Variants in NPAS3 observed in about 807,000 individuals in gnomAD.
The protein encoded by NPAS3 is neuronal PAS domain protein 3.
Under a neutral mutation model 73.1 loss-of-function variants are expected in NPAS3, and 14 were observed. The observed-to-expected ratio is 0.19, with a 90% CI of 0.13 to 0.30. The LOEUF (loss-of-function observed/expected upper bound fraction) is 0.30. Ranked by LOEUF, NPAS3 falls within the 10% of genes least tolerant of loss-of-function variation. The pLI is 1.00. For synonymous variants in NPAS3, 620 were observed against 541.5 expected (o/e 1.14, Z -2.01); for missense variants, 1,096 against 1,250.0 (o/e 0.88, Z 1.86).
At chr14:33,403,198 T>C (rs1425047569) in intron 4 of NPAS3, among the ~76,000 whole-genome samples, 1 of 152,098 alleles carries the variant, frequency 6.6e-6, no homozygotes, top group African/African-American at 2.4e-5. Flanking sequence ...CCACAAAGTT[T>C]TGAAATATTA....
At chr14:33,715,774 C>T (rs1010377031) in intron 6 of NPAS3, among the ~76,000 whole-genome samples, 1 of 152,186 alleles carries the variant, frequency 6.6e-6, no homozygotes, top group African/African-American at 2.4e-5. Flanking sequence ...ATAATCCCCA[C>T]GTGTCATTCG....
At chr14:33,257,340 G>A in intron 3 of NPAS3, among the ~76,000 whole-genome samples, 1 of 152,022 alleles carries the variant, frequency 6.6e-6, no homozygotes, top group East Asian at 1.9e-4. Flanking sequence ...ATAACTCCAG[G>A]GTTCTCCAGG....
At chr14:33,612,576 C>T (rs962642139) in intron 5 of NPAS3, 3 of 448,176 alleles carry the variant, frequency 6.7e-6, no homozygotes, top group Admixed American at 4.8e-5. Context: ...ACTCTGTATA[C>T]TTGCTTTTAA....
intron 3 of NPAS3, among the ~76,000 whole-genome samples, chr14:33,307,593 A>ATGTGTGTGTGTGTGTGTGTG (rs10528551): frequency 0.028 from 3,944 of 138,978 alleles, 141 homozygotes; most frequent in African/African-American, 0.079. Flanking sequence ...TTTTTTTTCA[A>ATGTGTGTGTGTGTGTGTGTG]TGTGTGTGTG....
At position 33,041,844 on chromosome 14, in the gene NPAS3, G is replaced by C. The variant is rs890644849; in HGVS notation, c.51-14061G>C. On this transcript the variant is annotated intron_variant, in intron 1 of 11. Transcript: ENST00000356141. ...GTAAGGAAGAGGAGTTGGTCAACAG[G>C]GAGCAGGTGGTTAGTTAGGCAGTCA... 1.3e-4 allele frequency among the ~76,000 whole-genome samples: 20 copies of C among 152,214 alleles called. No individual in the cohort carries two copies. In the South Asian group the frequency reaches 1.9e-3, roughly 14 times the overall value.
intron 4 of NPAS3, among the ~76,000 whole-genome samples, chr14:33,545,252 TG>T (rs1199646335): frequency 6.6e-6 from 1 of 152,160 alleles, no homozygotes; most frequent in Non-Finnish European, 1.5e-5. Flanking sequence ...TTAGTTTAAC[TG>T]CCCTTAGTAG....
intron 3 of NPAS3, among the ~76,000 whole-genome samples, chr14:33,352,800 ATAAACTT>A (rs956660725): frequency 2.0e-5 from 3 of 152,248 alleles, no homozygotes; most frequent in African/African-American, 7.2e-5. Flanking sequence ...TGAGAGGGGA[ATAAACTT>A]GCAACAATAT....
chr14:33,731,037 C>G (rs962470046), intron 6 of NPAS3, among the ~76,000 whole-genome samples: 1 of 152,114 alleles, frequency 6.6e-6, no homozygotes, highest in African/African-American at 2.4e-5. Context: ...TAACATTTCT[C>G]AAAACTTTTT....
chr14:33,213,882 T>C (rs577390050), intron 2 of NPAS3: 9 of 152,338 alleles, frequency 5.9e-5, no homozygotes, highest in African/African-American at 2.2e-4. Context: ...AGGTGTGATT[T>C]CTGCAGTGAA....
At chr14:33,192,936 T>C (rs1401774996) in intron 2 of NPAS3, among the ~76,000 whole-genome samples, 1 of 152,208 alleles carries the variant, frequency 6.6e-6, no homozygotes, top group African/African-American at 2.4e-5. Flanking sequence ...GTTAACTATA[T>C]GAGAGATGGG....
At chr14:33,415,667 A>G (rs892916835) in intron 4 of NPAS3, among the ~76,000 whole-genome samples, 2 of 152,094 alleles carry the variant, frequency 1.3e-5, no homozygotes, top group South Asian at 2.1e-4. Flanking sequence ...TGGTTTCTCC[A>G]TAGCACAGCT....
At chr14:33,384,672 G>A (rs1208706476) in intron 4 of NPAS3, among the ~76,000 whole-genome samples, 1 of 152,204 alleles carries the variant, frequency 6.6e-6, no homozygotes, top group East Asian at 1.9e-4. Flanking sequence ...GGAGGTTGCA[G>A]TGGGCCGAGA....
intron 2 of NPAS3, among the ~76,000 whole-genome samples, chr14:33,206,573 T>C (rs1306287883): frequency 1.3e-5 from 2 of 152,154 alleles, no homozygotes; most frequent in Admixed American, 6.6e-5. Flanking sequence ...CTACCTTCCA[T>C]AGTCACTGTT....
intron 5 of NPAS3, among the ~76,000 whole-genome samples, chr14:33,560,920 A>G (rs2055615377): frequency 6.6e-6 from 1 of 152,234 alleles, no homozygotes. Flanking sequence ...GTGAATGCCA[A>G]AATATCCTGA....
At chr14:33,253,336 T>G (rs2048659585) in intron 3 of NPAS3, among the ~76,000 whole-genome samples, 1 of 152,072 alleles carries the variant, frequency 6.6e-6, no homozygotes, top group Non-Finnish European at 1.5e-5. Context: ...ATTAAACAAC[T>G]TTTCTACTTA....
intron 7 of NPAS3, among the ~76,000 whole-genome samples, chr14:33,759,925 A>T (rs988092010): frequency 6.6e-6 from 1 of 152,374 alleles, no homozygotes; most frequent in Admixed American, 6.5e-5. Flanking sequence ...TTAAGCATAT[A>T]TAAGATTTCT....
At chr14:33,187,062 C>G (rs2046001923) in intron 2 of NPAS3, among the ~76,000 whole-genome samples, 1 of 152,184 alleles carries the variant, frequency 6.6e-6, no homozygotes, top group Non-Finnish European at 1.5e-5. Context: ...CCTGAATTAC[C>G]ACAACACCCT....
chr14:33,480,764 C>A (rs1453402613), intron 4 of NPAS3, among the ~76,000 whole-genome samples: 4 of 151,922 alleles, frequency 2.6e-5, no homozygotes, highest in Non-Finnish European at 2.9e-5. Flanking sequence ...GCAGTGAGGC[C>A]CAACACATCA....
chr14:33,072,947 A>G (rs571212204), intron 2 of NPAS3, among the ~76,000 whole-genome samples: 17 of 152,270 alleles, frequency 1.1e-4, no homozygotes, highest in African/African-American at 4.1e-4. Context: ...AAAGTTGCCT[A>G]ATAATTGCCA....
Sources: gnomAD v4.1 joint callset for allele counts (sites outside exome capture counted in the v4.1 genomes callset) on GRCh38, gnomAD v4.1.1 for gene constraint, MANE v1.5 for transcripts, NCBI Gene and HGNC (gene_info 2026-07-23, HGNC 2026-07-21) for gene names.